EYA1: variants seen among roughly 807,000 people sequenced by gnomAD.
EYA1 encodes protein phosphatase EYA1.
EYA1 carries 16 observed loss-of-function variants against 82.0 expected under a neutral mutation model. That is an observed-to-expected ratio of 0.20 (90% CI 0.13 to 0.30). The LOEUF is 0.30. Ranked by LOEUF, EYA1 falls within the 10% of genes least tolerant of loss-of-function variation. The pLI is 1.00. For synonymous variants in EYA1, 261 were observed against 264.4 expected, an observed-to-expected ratio of 0.99 and a Z score of 0.12; for missense variants, 633 against 730.7, an observed-to-expected ratio of 0.87 and a Z score of 1.54.
At chr8:71,524,719 A>T (rs1403555033) in intron 2 of EYA1, among the ~76,000 whole-genome samples, 1 of 152,250 alleles carries the variant, frequency 6.6e-6, no homozygotes, top group Non-Finnish European at 1.5e-5. Context: ...CAATAACAAG[A>T]ATGGGCGAGT....
intron 7 of EYA1, among the ~76,000 whole-genome samples, chr8:71,301,415 C>G (rs990581795): frequency 1.3e-5 from 2 of 152,178 alleles, no homozygotes; most frequent in African/African-American, 4.8e-5. Context: ...TGGTTTATGG[C>G]AGCAAGCACT....
chr8:71,390,008 C>T (rs1001196546), intron 2 of EYA1, among the ~76,000 whole-genome samples: 9 of 152,188 alleles, frequency 5.9e-5, no homozygotes, highest in Middle Eastern at 3.4e-3. Flanking sequence ...TTACCAGATG[C>T]TTTTTCTTTT....
intron 11 of EYA1, among the ~76,000 whole-genome samples, chr8:71,263,017 T>A (rs542053926): frequency 6.6e-6 from 1 of 152,238 alleles, no homozygotes; most frequent in Non-Finnish European, 1.5e-5. Flanking sequence ...ACCACTCACA[T>A]AGCCTGGGGC....
intron 11 of EYA1, among the ~76,000 whole-genome samples, chr8:71,255,525 G>C (rs532692989): frequency 1.3e-5 from 2 of 152,194 alleles, no homozygotes; most frequent in Non-Finnish European, 2.9e-5. Context: ...AACGGTGCTG[G>C]GGAAACTGGA....
Position 71,481,612 on chromosome 8 carries a change from ACT to A in EYA1, c.33+54130_33+54131del, listed in dbSNP as rs959398278. ...TTTTGCTTTGTGGTATTGATACTTA[ACT>A]GGGCCAATTTCCTTTACATGATGAG... On this transcript the variant is annotated intron_variant, in intron 2 of 18. Transcript: ENST00000643681. Among the ~76,000 whole-genome samples, 6 of 152,316 alleles carry A rather than the reference ACT, an allele frequency of 3.9e-5. No homozygotes were observed. The East Asian group carries it at 5.8e-4, about 15-fold the overall frequency.
chr8:71,267,288 C>T (rs768572166), intron 11 of EYA1, among the ~76,000 whole-genome samples: 2 of 152,112 alleles, frequency 1.3e-5, no homozygotes, highest in African/African-American at 2.4e-5. Flanking sequence ...GGCCTCTGTC[C>T]ATCAAACAGC....
intron 12 of EYA1, among the ~76,000 whole-genome samples, chr8:71,224,672 A>G (rs1810346960): frequency 6.6e-6 from 1 of 152,208 alleles, no homozygotes. Context: ...AATTTTGTCA[A>G]GCCATTAGCA....
chr8:71,468,443 C>T (rs1255215245), intron 2 of EYA1, among the ~76,000 whole-genome samples: 1 of 151,992 alleles, frequency 6.6e-6, no homozygotes, highest in African/African-American at 2.4e-5. Flanking sequence ...TATAATATAA[C>T]CCAAAGTTAC....
chr8:71,242,870 C>T (rs189591573), intron 12 of EYA1, among the ~76,000 whole-genome samples: 54 of 151,478 alleles, frequency 3.6e-4, no homozygotes, highest in African/African-American at 1.2e-3. Context: ...CTCTGCCTCC[C>T]GGGCTCAAGT....
intron 9 of EYA1, among the ~76,000 whole-genome samples, chr8:71,277,126 T>TGC (rs1335315027): frequency 7.4e-6 from 1 of 135,768 alleles, no homozygotes; most frequent in Non-Finnish European, 1.6e-5. Flanking sequence ...TTTTTTTTTT[T>TGC]TTTTTTTTTT....
chr8:71,240,727 T>C (rs1812382325), intron 12 of EYA1, among the ~76,000 whole-genome samples: 1 of 152,222 alleles, frequency 6.6e-6, no homozygotes, highest in South Asian at 2.1e-4. Context: ...GCATTATTTT[T>C]ATTTAGACCT....
intron 2 of EYA1, among the ~76,000 whole-genome samples, chr8:71,465,746 C>A (rs1417799147): frequency 6.6e-6 from 1 of 152,124 alleles, no homozygotes; most frequent in Admixed American, 6.5e-5. Context: ...GTGTCCCCTC[C>A]AAAATTCGTG....
At chr8:71,243,552 T>A (rs1812736379) in intron 12 of EYA1, among the ~76,000 whole-genome samples, 1 of 152,220 alleles carries the variant, frequency 6.6e-6, no homozygotes, top group South Asian at 2.1e-4. Flanking sequence ...ATTTAATAAC[T>A]TTATTGCACT....
At chr8:71,478,420 G>A (rs965100728) in intron 2 of EYA1, among the ~76,000 whole-genome samples, 13 of 152,124 alleles carry the variant, frequency 8.5e-5, no homozygotes, top group Middle Eastern at 3.2e-3. Flanking sequence ...TATACAAACA[G>A]AGAGGTAAAA....
intron 9 of EYA1, among the ~76,000 whole-genome samples, chr8:71,277,319 T>A (rs4335156): frequency 0.54 from 81,145 of 150,506 alleles, 22,322 homozygotes; most frequent in East Asian, 0.79. Flanking sequence ...CTAATTTTTT[T>A]AAAAAATCTT....
intron 2 of EYA1, among the ~76,000 whole-genome samples, chr8:71,406,378 G>A (rs1000378936): frequency 3.3e-5 from 5 of 152,208 alleles, no homozygotes; most frequent in Admixed American, 3.3e-4. Context: ...GAGCCAAGAT[G>A]GCCGAATAGG....
chr8:71,215,168 C>A (rs1290756515), intron 16 of EYA1, among the ~76,000 whole-genome samples: 1 of 152,144 alleles, frequency 6.6e-6, no homozygotes, highest in Non-Finnish European at 1.5e-5. Flanking sequence ...CTGGTCTTAA[C>A]GTTAGCCAGT....
At chr8:71,420,851 C>T (rs868216553) in intron 2 of EYA1, among the ~76,000 whole-genome samples, 14 of 152,224 alleles carry the variant, frequency 9.2e-5, no homozygotes, top group Middle Eastern at 3.4e-3. Flanking sequence ...TTGTGAGAGG[C>T]AAAGGTAACA....
intron 2 of EYA1, among the ~76,000 whole-genome samples, chr8:71,375,848 C>T (rs6988426): frequency 1.3e-5 from 2 of 152,054 alleles, no homozygotes; most frequent in African/African-American, 2.4e-5. Context: ...AGGCTGGTCT[C>T]GAACTCCTGA....
Sources: gnomAD v4.1 joint callset for allele counts (sites outside exome capture counted in the v4.1 genomes callset) on GRCh38, gnomAD v4.1.1 for gene constraint, MANE v1.5 for transcripts, NCBI Gene and HGNC (gene_info 2026-07-23, HGNC 2026-07-21) for gene names.